CLDN16: variants seen among roughly 807,000 people sequenced by gnomAD.
CLDN16 encodes the protein claudin-16.
Under a neutral mutation model 24.6 loss-of-function variants are expected in CLDN16, and 13 were observed. The ratio of observed to expected loss-of-function variants is 0.53; its 90% CI spans 0.34 to 0.84. The LOEUF (loss-of-function observed/expected upper bound fraction) is 0.84, where lower values mean the gene tolerates loss of function less well. Ranked by LOEUF, CLDN16 falls within the 40% of genes least tolerant of loss-of-function variation. The pLI is 0.01. For missense variants in CLDN16, 298 were observed against 292.7 expected, an observed-to-expected ratio of 1.02 and a Z score of -0.13; for synonymous variants, 116 against 106.7, an observed-to-expected ratio of 1.09 and a Z score of -0.54.
chr3:190,345,830 T>C (rs1717538893), intron 1 of CLDN16, among the ~76,000 whole-genome samples: 1 of 152,186 alleles, frequency 6.6e-6, no homozygotes, highest in African/African-American at 2.4e-5. Context: ...TATCCATCTG[T>C]CCCCTCCTTT....
chr3:190,342,306 G>T lies in CLDN16; in HGVS notation n.121+19645G>T, dbSNP rs577260289. Among the ~76,000 whole-genome samples the T allele has an allele frequency of 2.0e-5, 3 of 152,264 alleles. No homozygotes were observed. The East Asian group carries it at 5.8e-4, about 29-fold the overall frequency. Reference sequence around the variant, plus strand: ...GGACTTACAGTTCCACATGGCTGGGGATGCATCACAATTATGGCAGAAGGT... The same window carrying T: ...GGACTTACAGTTCCACATGGCTGGGTATGCATCACAATTATGGCAGAAGGT... On this transcript the variant is annotated intron_variant and non_coding_transcript_variant, in intron 1 of 4. Coordinates refer to the CLDN16 transcript ENST00000468220.
At chr3:190,386,692 A>C (rs1366910469), upstream of CLDN16, among the ~76,000 whole-genome samples, 2 of 152,184 alleles carry the variant, frequency 1.3e-5, no homozygotes, top group Non-Finnish European at 2.9e-5. Flanking sequence ...CTGAAGCCTC[A>C]AAAGGGAAAT....
intron 1 of CLDN16, among the ~76,000 whole-genome samples, chr3:190,364,834 T>A (rs1443456357): frequency 1.3e-5 from 2 of 151,810 alleles, no homozygotes; most frequent in South Asian, 2.1e-4. Flanking sequence ...TTGTCTTTTT[T>A]TTTTTCGAGG....
chr3:190,388,743 C>T (rs551086763), intron 1 of CLDN16, among the ~76,000 whole-genome samples: 2 of 152,286 alleles, frequency 1.3e-5, no homozygotes, highest in East Asian at 3.9e-4. Flanking sequence ...TCCAGAAATT[C>T]ACGTCTTCCA....
chr3:190,345,164 C>T (rs1717524761), intron 1 of CLDN16, among the ~76,000 whole-genome samples: 1 of 152,144 alleles, frequency 6.6e-6, no homozygotes, highest in Admixed American at 6.6e-5. Context: ...TTCTTGTTGT[C>T]TTACCAGCTT....
the CLDN16 span, among the ~76,000 whole-genome samples, chr3:190,290,869 A>G: frequency 3.3e-5 from 5 of 152,224 alleles, no homozygotes; most frequent in African/African-American, 1.2e-4. Flanking sequence ...ATAGCAGTAA[A>G]TGAAAACAAA....
At chr3:190,320,069 T>C (rs183342990), upstream of CLDN16, among the ~76,000 whole-genome samples, 1,132 of 146,948 alleles carry the variant, frequency 7.7e-3, 8 homozygotes, top group African/African-American at 0.028. Context: ...CTCTAAAGTG[T>C]GTGTGGGGGG....
At chr3:190,388,568 CTATT>C in intron 1 of CLDN16, 125 bp downstream of exon 1, 2 of 810,866 alleles carry the variant, frequency 2.5e-6, no homozygotes, top group Non-Finnish European at 4.4e-6. Context: ...GCAACATGGA[CTATT>C]TATTGAGTCT....
intron 3 of CLDN16, 141 bp downstream of exon 3, chr3:190,405,067 C>T: frequency 1.2e-6 from 1 of 810,362 alleles, no homozygotes; most frequent in Middle Eastern, 3.4e-4. Flanking sequence ...AAGGTCACTT[C>T]TACCAGCCCT....
chr3:190,295,465 G>A, the CLDN16 span, among the ~76,000 whole-genome samples: 2 of 152,116 alleles, frequency 1.3e-5, no homozygotes, highest in Admixed American at 6.5e-5. Context: ...CCCTCACAGT[G>A]AGGTGGCAGT....
chr3:190,407,476 A>G (rs1039056824), intron 3 of CLDN16, among the ~76,000 whole-genome samples: 7 of 152,196 alleles, frequency 4.6e-5, no homozygotes, highest in Non-Finnish European at 1.0e-4. Context: ...GCCTTCTGCT[A>G]GGCATTGAGC....
intron 2 of CLDN16, among the ~76,000 whole-genome samples, chr3:190,372,212 A>C (rs1489444806): frequency 6.6e-6 from 1 of 151,954 alleles, no homozygotes; most frequent in Non-Finnish European, 1.5e-5. Context: ...AAAGCTTTGC[A>C]AACAGAGGGA....
intron 4 of CLDN16, among the ~76,000 whole-genome samples, chr3:190,409,278 G>GCA (rs1719205466): frequency 2.0e-5 from 3 of 151,700 alleles, no homozygotes; most frequent in Non-Finnish European, 2.9e-5. Context: ...ACATGTATAT[G>GCA]TATGTATATA....
intron 1 of CLDN16, among the ~76,000 whole-genome samples, chr3:190,350,346 A>G (rs1225971575): frequency 2.2e-5 from 1 of 46,054 alleles, no homozygotes; most frequent in Admixed American, 2.5e-4. Context: ...TCATAATGTT[A>G]TATATATATA....
At chr3:190,403,692 G>T (rs1719018510) in intron 2 of CLDN16, among the ~76,000 whole-genome samples, 2 of 152,128 alleles carry the variant, frequency 1.3e-5, no homozygotes, top group African/African-American at 2.4e-5. Flanking sequence ...TTCTTCATCT[G>T]CTATTTAAAA....
At chr3:190,394,770 A>C (rs1160214953) in intron 1 of CLDN16, among the ~76,000 whole-genome samples, 1 of 152,178 alleles carries the variant, frequency 6.6e-6, no homozygotes, top group African/African-American at 2.4e-5. Context: ...ATTGAACCTT[A>C]AATAAGAAGT....
chr3:190,335,845 C>T (rs937326235), intron 1 of CLDN16, among the ~76,000 whole-genome samples: 1 of 151,468 alleles, frequency 6.6e-6, no homozygotes, highest in Non-Finnish European at 1.5e-5. Context: ...ACAGTTATTG[C>T]TAGAAATTGT....
intron 3 of CLDN16, among the ~76,000 whole-genome samples, chr3:190,381,401 AT>A: frequency 6.6e-6 from 1 of 152,206 alleles, no homozygotes. Context: ...AAATTTATCC[AT>A]GCTCCTTCAT....
chr3:190,401,823 C>T (rs1718968991), intron 1 of CLDN16, among the ~76,000 whole-genome samples: 1 of 151,744 alleles, frequency 6.6e-6, no homozygotes. Flanking sequence ...GTTTTCTTTG[C>T]TAATTATTTT....
Sources: gnomAD v4.1 joint callset for allele counts (sites outside exome capture counted in the v4.1 genomes callset) on GRCh38, gnomAD v4.1.1 for gene constraint, MANE v1.5 for transcripts, NCBI Gene and HGNC (gene_info 2026-07-23, HGNC 2026-07-21) for gene names.